GRID2: variants seen among roughly 807,000 people sequenced by gnomAD.
GRID2 encodes glutamate receptor ionotropic, delta-2.
In GRID2, 33 loss-of-function variants were observed where a neutral mutation model predicts 114.8. That is an observed-to-expected ratio of 0.29 (90% CI 0.22 to 0.38). The LOEUF (loss-of-function observed/expected upper bound fraction) is 0.38, where lower values mean the gene tolerates loss of function less well. GRID2 is among the 10% of genes least tolerant of loss of function. The pLI is 1.00. For missense variants in GRID2, 1,184 were observed against 1,257.7 expected (o/e 0.94, Z 0.89); for synonymous variants, 505 against 449.9 (o/e 1.12, Z -1.55).
chr4:92,938,505 A>T lies in GRID2; in HGVS notation c.245-146490A>T, dbSNP rs902865663. Among the ~76,000 whole-genome samples, 4 of 146,818 alleles carry T rather than the reference A, an allele frequency of 2.7e-5. 1 individual carries two copies. The highest frequency in any genetic ancestry group is 9.7e-5 in the African/African-American group (4 of 41,200). ...CTTTAAATTGAGATGGTTAAAGTAC[A>T]GTATAGTAACAACCCTAGCTATGTA... On this transcript the variant is annotated intron_variant, in intron 2 of 15. Coordinates refer to ENST00000282020, the MANE Select transcript of GRID2 (RefSeq NM_001510.4).
chr4:93,587,106 A>G (rs913375131), intron 13 of GRID2, among the ~76,000 whole-genome samples: 20 of 151,990 alleles, frequency 1.3e-4, no homozygotes, highest in Non-Finnish European at 2.5e-4. Context: ...TCTGTCTATC[A>G]TTTCTCTTTA....
intron 1 of GRID2, among the ~76,000 whole-genome samples, chr4:92,409,378 C>A (rs1312569495): frequency 1.3e-5 from 2 of 151,966 alleles, no homozygotes; most frequent in East Asian, 3.9e-4. Context: ...CACACAAGGG[C>A]CTAGAGACCT....
chr4:93,075,908 T>A (rs1452355893), intron 2 of GRID2, among the ~76,000 whole-genome samples: 3 of 74,448 alleles, frequency 4.0e-5, no homozygotes, highest in African/African-American at 1.4e-4. Context: ...TTTTTTTTTT[T>A]TTTTTTTTTT....
chr4:92,621,414 T>A (rs1245875936), intron 2 of GRID2, among the ~76,000 whole-genome samples: 1 of 151,806 alleles, frequency 6.6e-6, no homozygotes, highest in African/African-American at 2.4e-5. Flanking sequence ...AATTAAAAGA[T>A]GAACCAGTGC....
intron 2 of GRID2, among the ~76,000 whole-genome samples, chr4:92,869,621 C>T (rs947286186): frequency 2.0e-5 from 3 of 152,108 alleles, no homozygotes; most frequent in African/African-American, 7.2e-5. Flanking sequence ...GCTTATAAAG[C>T]CCGACATTAT....
At chr4:93,312,916 A>G (rs537240146) in intron 8 of GRID2, among the ~76,000 whole-genome samples, 5 of 152,326 alleles carry the variant, frequency 3.3e-5, no homozygotes, top group African/African-American at 1.2e-4. Flanking sequence ...ATATAAAAGA[A>G]TATATGCCAA....
rs144412103 is a variant in GRID2, at chr4:92,619,901, T to C, written c.244+29615T>C. The stretch of plus-strand genomic sequence containing the variant: ...ATTTGCGAAGTTACACATGCCTTTT[T>C]TTTTCCCCCACAGGAGGGATAGAGA... On this transcript the variant is annotated intron_variant, in intron 2 of 15. Transcript: ENST00000282020. Among the ~76,000 whole-genome samples the C allele has an allele frequency of 3.4e-3, 509 of 151,720 alleles. 3 individuals carry two copies. Among genetic ancestry groups the C allele is most frequent in the South Asian group, 0.011 (51 of 4,794 alleles).
chr4:93,464,775 C>T (rs982327127), intron 11 of GRID2, among the ~76,000 whole-genome samples: 1 of 152,122 alleles, frequency 6.6e-6, no homozygotes, highest in Non-Finnish European at 1.5e-5. Context: ...TTGATTTTGA[C>T]TGTGCCCAAA....
At chr4:93,403,508 T>C (rs1189458081) in intron 9 of GRID2, among the ~76,000 whole-genome samples, 1 of 152,042 alleles carries the variant, frequency 6.6e-6, no homozygotes, top group African/African-American at 2.4e-5. Flanking sequence ...TACAAAAATA[T>C]TATAACTCAG....
chr4:93,223,337 C>T (rs1745112242), intron 6 of GRID2, among the ~76,000 whole-genome samples: 1 of 152,024 alleles, frequency 6.6e-6, no homozygotes, highest in African/African-American at 2.4e-5. Flanking sequence ...AAAAGGCCTA[C>T]AAGTATTATA....
chr4:92,948,141 C>T (rs529501511), intron 2 of GRID2, among the ~76,000 whole-genome samples: 3 of 151,860 alleles, frequency 2.0e-5, no homozygotes, highest in South Asian at 4.1e-4. Context: ...CCTGAGGTTT[C>T]ATTTTACATT....
At chr4:93,269,851 G>A (rs1181760437) in intron 8 of GRID2, among the ~76,000 whole-genome samples, 1 of 152,146 alleles carries the variant, frequency 6.6e-6, no homozygotes, top group South Asian at 2.1e-4. Context: ...ATGCCTTTTG[G>A]TGCACTACCA....
intron 5 of GRID2, among the ~76,000 whole-genome samples, chr4:93,208,656 A>G (rs1743093707): frequency 1.3e-5 from 2 of 152,040 alleles, no homozygotes; most frequent in Non-Finnish European, 2.9e-5. Flanking sequence ...CTACACTTCA[A>G]TGATGGAATG....
chr4:93,090,604 T>G (rs1257763671), intron 3 of GRID2, among the ~76,000 whole-genome samples: 1 of 152,172 alleles, frequency 6.6e-6, no homozygotes, highest in African/African-American at 2.4e-5. Context: ...TCCATGTAGC[T>G]CCCATAAATA....
chr4:93,494,021 A>T (rs528174788), intron 12 of GRID2, among the ~76,000 whole-genome samples: 4 of 151,862 alleles, frequency 2.6e-5, no homozygotes, highest in Non-Finnish European at 5.9e-5. Flanking sequence ...TTCTAATTTC[A>T]TGCCTCAACA....
intron 1 of GRID2, among the ~76,000 whole-genome samples, chr4:92,426,615 A>G (rs1732168820): frequency 6.6e-6 from 1 of 152,168 alleles, no homozygotes; most frequent in South Asian, 2.1e-4. Flanking sequence ...ATGAAGAGCA[A>G]CAGTATGAAA....
chr4:93,370,002 T>G (rs944867801), intron 8 of GRID2, among the ~76,000 whole-genome samples: 6 of 152,124 alleles, frequency 3.9e-5, no homozygotes, highest in African/African-American at 1.4e-4. Flanking sequence ...TCTCCCCAGT[T>G]TGGCACTGAA....
chr4:93,137,287 G>A (rs1266003168), intron 4 of GRID2, among the ~76,000 whole-genome samples: 1 of 152,050 alleles, frequency 6.6e-6, no homozygotes. Flanking sequence ...AAAAATTAAT[G>A]CAACATAAAA....
At chr4:92,426,727 A>G (rs1362053167) in intron 1 of GRID2, among the ~76,000 whole-genome samples, 1 of 152,176 alleles carries the variant, frequency 6.6e-6, no homozygotes. Flanking sequence ...ATTATCACAT[A>G]CATTTTTTTC....
Sources: gnomAD v4.1 joint callset for allele counts (sites outside exome capture counted in the v4.1 genomes callset) on GRCh38, gnomAD v4.1.1 for gene constraint, MANE v1.5 for transcripts, NCBI Gene and HGNC (gene_info 2026-07-23, HGNC 2026-07-21) for gene names.